RBMS3: variants seen among roughly 807,000 people sequenced by gnomAD.
The protein encoded by RBMS3 is RNA binding motif single stranded interacting protein 3.
In RBMS3, 27 loss-of-function variants were observed where a neutral mutation model predicts 66.8. The ratio of observed to expected loss-of-function variants is 0.40; its 90% CI spans 0.30 to 0.56. The LOEUF is 0.56. RBMS3 is among the 20% of genes least tolerant of loss of function. The pLI is 0.40. For synonymous variants in RBMS3, 188 were observed against 183.0 expected, an observed-to-expected ratio of 1.03 and a Z score of -0.22; for missense variants, 513 against 549.5, an observed-to-expected ratio of 0.93 and a Z score of 0.66.
intron 12 of RBMS3, among the ~76,000 whole-genome samples, chr3:29,978,540 C>T (rs1299820384): frequency 6.6e-6 from 1 of 151,638 alleles, no homozygotes; most frequent in Non-Finnish European, 1.5e-5. Flanking sequence ...ACTATTAAAT[C>T]TCTACTGGTT....
chr3:29,982,733 T>G (rs1007623651), intron 12 of RBMS3, among the ~76,000 whole-genome samples: 7 of 152,248 alleles, frequency 4.6e-5, no homozygotes, highest in African/African-American at 1.7e-4. Context: ...TTGAGTGAGT[T>G]TCTTCATCCT....
At chr3:29,728,040 G>A (rs1198698449) in intron 4 of RBMS3, among the ~76,000 whole-genome samples, 1 of 152,150 alleles carries the variant, frequency 6.6e-6, no homozygotes, top group African/African-American at 2.4e-5. Flanking sequence ...AAAAGAATGA[G>A]TTCATGTCCT....
At chr3:29,925,437 AT>A (rs1189984941) in intron 10 of RBMS3, among the ~76,000 whole-genome samples, 1 of 152,148 alleles carries the variant, frequency 6.6e-6, no homozygotes, top group African/African-American at 2.4e-5. Flanking sequence ...AAGAAAGGGA[AT>A]TTTTTTGTTA....
chr3:29,865,852 A>C (rs1323374262), intron 6 of RBMS3, among the ~76,000 whole-genome samples: 1 of 152,156 alleles, frequency 6.6e-6, no homozygotes, highest in Non-Finnish European at 1.5e-5. Context: ...TTCTTCCTCA[A>C]GGATGATACC....
At chr3:29,788,024 T>C (rs2056880041) in intron 6 of RBMS3, among the ~76,000 whole-genome samples, 1 of 152,104 alleles carries the variant, frequency 6.6e-6, no homozygotes, top group Admixed American at 6.6e-5. Context: ...TCTCTTTCTT[T>C]CCTGTGACAC....
chr3:29,310,727 A>G (rs2034321316), intron 1 of RBMS3, among the ~76,000 whole-genome samples: 1 of 151,720 alleles, frequency 6.6e-6, no homozygotes, highest in African/African-American at 2.4e-5. Flanking sequence ...GCTGAAGGGA[A>G]AGATCACTCA....
chr3:29,998,831 G>A (rs1400290296), intron 14 of RBMS3, among the ~76,000 whole-genome samples: 4 of 152,044 alleles, frequency 2.6e-5, no homozygotes, highest in South Asian at 2.1e-4. Flanking sequence ...AAGAAAACCT[G>A]GGCAATACCA....
intron 7 of RBMS3, chr3:29,880,867 C>A: frequency 6.7e-7 from 1 of 1,492,904 alleles, no homozygotes; most frequent in African/African-American, 1.4e-5. Flanking sequence ...GAAAATCTCA[C>A]CTTAGATTCT....
chr3:29,785,174 G>A (rs2056776777), intron 6 of RBMS3, among the ~76,000 whole-genome samples: 1 of 151,952 alleles, frequency 6.6e-6, no homozygotes, highest in Admixed American at 6.6e-5. Flanking sequence ...TATAAAGCCA[G>A]TATCACCCTA....
chr3:29,547,807 A>ATTTTT (rs3043400), intron 3 of RBMS3, among the ~76,000 whole-genome samples: 1 of 93,294 alleles, frequency 1.1e-5, no homozygotes, highest in Non-Finnish European at 2.1e-5. Flanking sequence ...TTGTGGATTG[A>ATTTTT]TTTTTTTTTT....
At chr3:29,598,556 C>A (rs764476057) in intron 4 of RBMS3, among the ~76,000 whole-genome samples, 1 of 151,994 alleles carries the variant, frequency 6.6e-6, no homozygotes, top group Non-Finnish European at 1.5e-5. Flanking sequence ...CCTTACTTAA[C>A]TTCTAGAAGA....
chr3:29,292,908 T>A (rs1419607817), intron 1 of RBMS3, among the ~76,000 whole-genome samples: 1 of 151,870 alleles, frequency 6.6e-6, no homozygotes, highest in Non-Finnish European at 1.5e-5. Context: ...GAAACATGTT[T>A]GGGGAAAATA....
chr3:29,791,245 A>G (rs1186077793), intron 6 of RBMS3, among the ~76,000 whole-genome samples: 2 of 152,146 alleles, frequency 1.3e-5, no homozygotes, highest in African/African-American at 4.8e-5. Flanking sequence ...ATGCATTTCC[A>G]TTTCCTGCAT....
intron 4 of RBMS3, among the ~76,000 whole-genome samples, chr3:29,701,726 C>T (rs1044989188): frequency 6.6e-6 from 1 of 152,124 alleles, no homozygotes. Context: ...CCAGCAGCTG[C>T]GGAGGGTGCA....
chr3:29,818,119 T>G (rs1375279351), intron 6 of RBMS3, among the ~76,000 whole-genome samples: 1 of 152,154 alleles, frequency 6.6e-6, no homozygotes, highest in Non-Finnish European at 1.5e-5. Flanking sequence ...CAGTGTTACA[T>G]TCGACATTGT....
At position 29,547,071 on chromosome 3, in the gene RBMS3, G is replaced by T. The variant is rs370843712; in HGVS notation, c.308-40043G>T. On this transcript the variant is annotated intron_variant, in intron 3 of 14. Coordinates refer to ENST00000383767, the MANE Select transcript of RBMS3 (RefSeq NM_001003793.3). ...GCTCACTATAACCCAGAACTCCTGG[G>T]CACAAAGGATCCTCCCATCTCAGCC... Among the ~76,000 whole-genome samples, 7 of 152,174 alleles carry T rather than the reference G, an allele frequency of 4.6e-5. No individual in the cohort carries two copies. In the South Asian group the frequency reaches 6.2e-4, roughly 14 times the overall value.
chr3:29,496,580 C>T (rs930854716), intron 3 of RBMS3, among the ~76,000 whole-genome samples: 1 of 152,074 alleles, frequency 6.6e-6, no homozygotes, highest in African/African-American at 2.4e-5. Flanking sequence ...AAAGAATATC[C>T]ACTTTGATGG....
intron 1 of RBMS3, among the ~76,000 whole-genome samples, chr3:29,336,550 G>T (rs1290670193): frequency 6.6e-6 from 1 of 152,046 alleles, no homozygotes; most frequent in Non-Finnish European, 1.5e-5. Flanking sequence ...GGAACGAAAG[G>T]ATTACTTTAT....
chr3:29,949,657 T>C (rs918358939), intron 12 of RBMS3, among the ~76,000 whole-genome samples: 1 of 151,744 alleles, frequency 6.6e-6, no homozygotes, highest in Non-Finnish European at 1.5e-5. Context: ...AGATGGAGGT[T>C]GAGAAAAACA....
Sources: allele counts gnomAD v4.1 joint callset (sites outside exome capture counted in the v4.1 genomes callset), GRCh38; gene constraint gnomAD v4.1.1; transcripts MANE v1.5; gene names NCBI Gene and HGNC (gene_info 2026-07-23, HGNC 2026-07-21).